The following ZSWIM7 variants were observed in gnomAD, a reference collection of about 807,000 sequenced individuals.
The protein encoded by ZSWIM7 is zinc finger SWIM domain-containing protein 7.
In ZSWIM7, 22 loss-of-function variants were observed where a neutral mutation model predicts 21.1. The observed-to-expected ratio is 1.04, with a 90% CI of 0.74 to 1.49. The LOEUF is 1.49. ZSWIM7 is among the 40% of genes most tolerant of loss of function. The pLI is 0.00. For missense variants in ZSWIM7, 193 were observed against 168.0 expected, an observed-to-expected ratio of 1.15 and a Z score of -0.82; for synonymous variants, 67 against 66.5, an observed-to-expected ratio of 1.01 and a Z score of -0.04.
chr17:15,989,619 T>TTTTG (rs1228513690), intron 2 of ZSWIM7, among the ~76,000 whole-genome samples: 2 of 151,608 alleles, frequency 1.3e-5, no homozygotes, highest in Non-Finnish European at 2.9e-5. Flanking sequence ...TGTCTGGCCT[T>TTTTG]TTTGTTTGTT....
At chr17:15,998,357 G>C (rs1210648409) in intron 1 of ZSWIM7, among the ~76,000 whole-genome samples, 1 of 152,150 alleles carries the variant, frequency 6.6e-6, no homozygotes, top group East Asian at 1.9e-4. Flanking sequence ...TTTTGACTGA[G>C]ATGAGGAAAC....
intron 1 of ZSWIM7, 89 bp from the exon 2 acceptor site, chr17:15,993,867 A>G: frequency 4.1e-6 from 4 of 980,516 alleles, no homozygotes; most frequent in Non-Finnish European, 6.3e-6. Context: ...AACTAAAAAC[A>G]CTTCCGTGTG....
At chr17:15,982,106 T>C (rs1299321089) in intron 3 of ZSWIM7, among the ~76,000 whole-genome samples, 1 of 151,748 alleles carries the variant, frequency 6.6e-6, no homozygotes, top group African/African-American at 2.4e-5. Context: ...AGGAGGACAC[T>C]GATACATAGT....
In ZSWIM7 at chr17:15,987,293, T is replaced by A; in HGVS notation, c.174A>T (p.Ser58=). ...GGTAAACACGCCTTCCACTGGGTGA[T>A]GAGATTAAGGTGATGGACTGTCGAT... ...LVDRQSITLI[S]SPSGRRVYQV... Residue 58 remains serine, a synonymous_variant, in exon 3 of 5, where the codon TCA becomes TCT. Coordinates refer to ENST00000399277, the MANE Select transcript of ZSWIM7 (RefSeq NM_001042697.2). The A allele has an allele frequency of 6.5e-7, 1 of 1,530,440 alleles. No homozygotes were observed. Among genetic ancestry groups the A allele is most frequent in the Non-Finnish European group, 9.0e-7 (1 of 1,114,122 alleles). The allele number at this position is 1,530,440 out of a possible 1,614,324, so 94.8% of individuals were successfully genotyped here.
intron 1 of ZSWIM7, among the ~76,000 whole-genome samples, chr17:15,996,298 C>G (rs182923723): frequency 6.6e-6 from 1 of 151,358 alleles, no homozygotes; most frequent in Non-Finnish European, 1.5e-5. Context: ...AGCGAAACTC[C>G]GTCTCAAAAA....
chr17:15,999,626 GGACCGC>G lies in ZSWIM7; in HGVS notation c.-38_-33del, dbSNP rs1215624618. ...GCAGGACACGCCCTCCACGACCGGC[GGACCGC>G]CGCGACGCTCCAGCTGACTGCGCCT... is the stretch of plus-strand genomic sequence containing the variant. On this transcript the variant is annotated 5_prime_UTR_variant, in exon 1 of 5. Coordinates refer to ENST00000399277, the MANE Select transcript of ZSWIM7 (RefSeq NM_001042697.2). 3 of 1,565,680 alleles carry G rather than the reference GGACCGC, an allele frequency of 1.9e-6. No individual in the cohort carries two copies. In the East Asian group the frequency reaches 7.2e-5, roughly 37 times the overall value.
In ZSWIM7 at chr17:15,999,572, A is replaced by G. The variant is rs760537424; in HGVS notation, c.23T>C (p.Val8Ala). 4 of 1,584,460 alleles carry G rather than the reference A, an allele frequency of 2.5e-6. No homozygotes were observed. Among genetic ancestry groups the G allele is most frequent in the Non-Finnish European group, 1.7e-6 (2 of 1,165,174 alleles). The change falls in exon 1 of 5, where the codon GTT becomes GCT. Residue 8 changes from valine to alanine, a missense_variant. By Grantham distance (64) the Val-to-Ala change is moderately conservative. Coordinates refer to ENST00000399277, the MANE Select transcript of ZSWIM7 (RefSeq NM_001042697.2). MAVVLPA[V>A]VEELLSEMAA... ...CATCTCGCTCAGGAGCTCCTCCACA[A>G]CCGCCGGCAACACTACGGCCATCGC...
chr17:15,993,347 A>T (rs1258059270), intron 2 of ZSWIM7, among the ~76,000 whole-genome samples: 11 of 116,556 alleles, frequency 9.4e-5, no homozygotes, highest in African/African-American at 3.4e-4. Context: ...TTTATTTTTT[A>T]TTTTATTTAT....
intron 1 of ZSWIM7, among the ~76,000 whole-genome samples, chr17:15,994,231 A>G (rs1457289364): frequency 6.6e-6 from 1 of 152,200 alleles, no homozygotes; most frequent in Non-Finnish European, 1.5e-5. Flanking sequence ...GGGATTATAG[A>G]CATGAGCCAC....
At chr17:15,989,192 C>A (rs912784938) in intron 2 of ZSWIM7, among the ~76,000 whole-genome samples, 2 of 152,022 alleles carry the variant, frequency 1.3e-5, no homozygotes, top group Non-Finnish European at 1.5e-5. Flanking sequence ...CAGGAAAAAA[C>A]TTTGATATGT....
At chr17:15,989,681 A>C (rs901146405) in intron 2 of ZSWIM7, among the ~76,000 whole-genome samples, 1 of 151,972 alleles carries the variant, frequency 6.6e-6, no homozygotes, top group Non-Finnish European at 1.5e-5. Flanking sequence ...GGCAGGCTGG[A>C]TTCCAGTGGT....
intron 4 of ZSWIM7, among the ~76,000 whole-genome samples, chr17:15,979,594 C>T (rs1410270653): frequency 4.0e-5 from 6 of 148,482 alleles, no homozygotes; most frequent in East Asian, 2.0e-4. Flanking sequence ...ACCTCCCGGA[C>T]GAGGCGGCTG....
intron 2 of ZSWIM7, among the ~76,000 whole-genome samples, chr17:15,989,830 C>T (rs1970460171): frequency 6.6e-6 from 1 of 152,036 alleles, no homozygotes; most frequent in Non-Finnish European, 1.5e-5. Flanking sequence ...CAGGGTCTCC[C>T]TGTGCTGCCT....
At position 15,977,844 on chromosome 17, in the gene ZSWIM7, G is replaced by C. The variant is rs1970298102; in HGVS notation, c.*203C>G. The C allele has an allele frequency of 5.6e-6, 3 of 534,038 alleles. No individual in the cohort carries two copies. Among genetic ancestry groups the C allele is most frequent in the South Asian group, 2.1e-5 (1 of 46,514 alleles). The allele number at this position is 534,038 out of a possible 1,614,324, so 33.1% of individuals were successfully genotyped here. On this transcript the variant is annotated 3_prime_UTR_variant, in exon 5 of 5. Coordinates refer to ENST00000399277, the MANE Select transcript of ZSWIM7 (RefSeq NM_001042697.2). ...GCTCAGGGTATTTCTTGACAAGACT[G>C]TACAGGGCTTCTCATCATACACAAA... is the stretch of plus-strand genomic sequence containing the variant.
chr17:15,978,227 A>G, intron 4 of ZSWIM7, 64 bp from the exon 5 acceptor site: 1 of 1,150,846 alleles, frequency 8.7e-7, no homozygotes, highest in Non-Finnish European at 1.3e-6. Context: ...AGTCTAACCA[A>G]GATTTCTCAT....
intron 1 of ZSWIM7, among the ~76,000 whole-genome samples, chr17:15,995,167 G>C (rs1195377909): frequency 6.6e-6 from 1 of 152,110 alleles, no homozygotes; most frequent in Non-Finnish European, 1.5e-5. Context: ...AAAATACATG[G>C]TATGTCTCTG....
At chr17:15,985,275 G>A (rs9889745) in intron 3 of ZSWIM7, among the ~76,000 whole-genome samples, 68,969 of 149,958 alleles carry the variant, frequency 0.46, 16,667 homozygotes, top group Middle Eastern at 0.6. Flanking sequence ...ATGCACTCCA[G>A]CCTGGGCAAC....
intron 2 of ZSWIM7, among the ~76,000 whole-genome samples, chr17:15,990,210 ACT>A (rs944513180): frequency 1.1e-4 from 14 of 133,068 alleles, no homozygotes; most frequent in African/African-American, 3.1e-4. Context: ...ACAGAGCGAA[ACT>A]CTGTCTCAAA....
intron 3 of ZSWIM7, chr17:15,986,851 G>C (rs899665699): frequency 6.5e-6 from 1 of 152,950 alleles, no homozygotes; most frequent in Non-Finnish European, 1.5e-5. Flanking sequence ...CTTGAACCTA[G>C]GAGTTTGAGA....
Sources: gnomAD v4.1 joint callset for allele counts (sites outside exome capture counted in the v4.1 genomes callset) on GRCh38, gnomAD v4.1.1 for gene constraint, MANE v1.5 for transcripts, NCBI Gene and HGNC (gene_info 2026-07-23, HGNC 2026-07-21) for gene names.